The following CIDEB variants were observed in gnomAD, a reference collection of about 807,000 sequenced individuals.
The protein encoded by CIDEB is cell death inducing DFFA like effector b.
Under a neutral mutation model 22.4 loss-of-function variants are expected in CIDEB, and 27 were observed. The ratio of observed to expected loss-of-function variants is 1.21; its 90% CI spans 0.89 to 1.66. CIDEB has a LOEUF of 1.66. Ranked by LOEUF, CIDEB falls within the 40% of genes most tolerant of loss-of-function variation. CIDEB has a pLI of 0.00. For missense variants in CIDEB, 289 were observed against 268.7 expected, an observed-to-expected ratio of 1.08 and a Z score of -0.53; for synonymous variants, 103 against 109.5, an observed-to-expected ratio of 0.94 and a Z score of 0.37.
intron 2 of CIDEB, chr14:24,306,936 G>A: frequency 3.7e-6 from 1 of 270,158 alleles, no homozygotes; most frequent in Non-Finnish European, 7.2e-6. Flanking sequence ...TGCCAGGTAT[G>A]AGGACTTTAC....
chr14:24,305,589 G>T lies in CIDEB; in HGVS notation c.*44C>A. On this transcript the variant is annotated 3_prime_UTR_variant, in exon 5 of 5. Coordinates refer to ENST00000554411, the MANE Select transcript of CIDEB (RefSeq NM_001393339.1). Reference sequence around the variant, plus strand: ...ATTTGATGCTGTCATAGTCTTTGCAGTGGGTCGGTTGGAATGATTCTGGGG... The same window carrying T: ...ATTTGATGCTGTCATAGTCTTTGCATTGGGTCGGTTGGAATGATTCTGGGG... 1 of 1,587,094 alleles carries T rather than the reference G, an allele frequency of 6.3e-7. No individual in the cohort carries two copies. The highest frequency in any genetic ancestry group is 1.2e-5 in the South Asian group (1 of 86,566).
upstream of CIDEB, chr14:24,311,425 C>T (rs2041701541): frequency 3.1e-6 from 5 of 1,601,300 alleles, no homozygotes; most frequent in Non-Finnish European, 4.2e-6. Context: ...GCGCTGGCTC[C>T]ACCGGAAGGG....
upstream of CIDEB, chr14:24,310,784 C>T (rs776378564): frequency 1.9e-6 from 3 of 1,607,036 alleles, no homozygotes; most frequent in African/African-American, 1.3e-5. Flanking sequence ...GCAACGGCTT[C>T]GTGGTGTGGA....
At position 24,305,808 on chromosome 14, in the gene CIDEB, T is replaced by C. The variant is rs780568524; in HGVS notation, c.528-43A>G. 1.9e-5 allele frequency: 31 copies of C among 1,605,398 alleles called. 2 individuals carry two copies. In the South Asian group the frequency reaches 3.1e-4, roughly 16 times the overall value. On this transcript the variant is annotated intron_variant, in intron 4 of 4. Coordinates refer to ENST00000554411, the MANE Select transcript of CIDEB (RefSeq NM_001393339.1). ...GAGGAAATCAGATGATTTGGAAAAC[T>C]TGGGAGGAAGCCATCAAGCTGGGAG...
At chr14:24,305,812 G>A in intron 4 of CIDEB, 47 bp from the exon 5 acceptor site, 1 of 1,605,308 alleles carries the variant, frequency 6.2e-7, no homozygotes, top group Non-Finnish European at 8.5e-7. Flanking sequence ...GAAAACTTGG[G>A]AGGAAGCCAT....
upstream of CIDEB, chr14:24,310,532 G>C (rs1411297987): frequency 3.0e-6 from 3 of 995,710 alleles, no homozygotes; most frequent in Non-Finnish European, 4.7e-6. Flanking sequence ...AGGACTCCCA[G>C]GCAGAAAAGA....
chr14:24,308,473 G>GCTTACCTGCTCTTTCCTTCCTC (rs2041590612), upstream of CIDEB: 2 of 153,700 alleles, frequency 1.3e-5, no homozygotes, highest in Admixed American at 1.3e-4. Flanking sequence ...TGGCCTTCCT[G>GCTTACCTGCTCTTTCCTTCCTC]CTTACCTGCT....
chr14:24,305,838 G>C, intron 4 of CIDEB, 73 bp from the exon 5 acceptor site: 1 of 1,592,806 alleles, frequency 6.3e-7, no homozygotes, highest in Non-Finnish European at 8.6e-7. Context: ...TGGGAGATGA[G>C]GACTTTCCAC....
chr14:24,311,180 C>CCCGTCG, upstream of CIDEB: 1 of 1,607,328 alleles, frequency 6.2e-7, no homozygotes, highest in East Asian at 2.2e-5. Context: ...AGCTGTGCCA[C>CCCGTCG]CCGTCGCCGG....
At chr14:24,310,765 G>T, upstream of CIDEB, 1 of 1,608,250 alleles carries the variant, frequency 6.2e-7, no homozygotes. Context: ...GCGCTGCTGG[G>T]GCTGCCTGGC....
chr14:24,306,271 T>A (rs984910413), intron 3 of CIDEB, 103 bp downstream of exon 3: 30 of 1,547,994 alleles, frequency 1.9e-5, no homozygotes, highest in Non-Finnish European at 2.6e-5. Flanking sequence ...ATTCCACAAC[T>A]CCTCCTGCAC....
upstream of CIDEB, chr14:24,308,765 C>T (rs1202500132): frequency 6.6e-6 from 1 of 152,236 alleles, no homozygotes; most frequent in Non-Finnish European, 1.5e-5. Flanking sequence ...CAAATGAACA[C>T]AATCCCTGCT....
chr14:24,306,171 C>T (rs751046650), intron 3 of CIDEB, 34 bp from the exon 4 acceptor site: 2 of 1,596,942 alleles, frequency 1.3e-6, no homozygotes, highest in South Asian at 2.2e-5. Context: ...AGTAGATCCT[C>T]ATACCAGACA....
Position 24,305,240 on chromosome 14 carries a change from G to A in CIDEB, c.*393C>T. 2 of 901,038 alleles carry A rather than the reference G, an allele frequency of 2.2e-6. No individual in the cohort carries two copies. Among genetic ancestry groups the A allele is most frequent in the Non-Finnish European group, 3.1e-6 (2 of 643,848 alleles). 55.8% of individuals were successfully genotyped at this position (901,038 alleles called of 1,614,324 possible). A position where few individuals can be genotyped will look rare whatever the true frequency, so the allele number is the denominator to read the frequency against. ...GGAAATGTTTTTGTTAGTTTGAGGG[G>A]AAGGGTATGAAGACAGATCTCAAGG... On this transcript the variant is annotated 3_prime_UTR_variant, in exon 5 of 5. Transcript: ENST00000554411.
upstream of CIDEB, chr14:24,310,347 A>G: frequency 1.7e-6 from 1 of 605,128 alleles, no homozygotes; most frequent in Non-Finnish European, 2.9e-6. Flanking sequence ...GAGGGGCCAG[A>G]CTAGAGGAGT....
intron 2 of CIDEB, chr14:24,306,868 A>G: frequency 2.8e-6 from 1 of 355,240 alleles, no homozygotes; most frequent in East Asian, 5.8e-5. Context: ...CACACCCTCA[A>G]GAGTTCTCCA....
upstream of CIDEB, chr14:24,309,602 T>C (rs930325738): frequency 1.3e-5 from 2 of 152,302 alleles, no homozygotes; most frequent in Non-Finnish European, 2.9e-5. Context: ...GGCCTCTTCA[T>C]GGTTGTGTGT....
At chr14:24,308,100 G>A, upstream of CIDEB, 1 of 569,386 alleles carries the variant, frequency 1.8e-6, no homozygotes, top group Non-Finnish European at 3.2e-6. Context: ...AGCCATTGGA[G>A]CTTGTATGTG....
rs1472637755 is a variant in CIDEB at position 24,306,039 on chromosome 14, G to C, written c.435C>G (p.Asp145Glu). The change falls in exon 4 of 5, where the codon GAC (aspartate) becomes GAG (glutamate). Residue 145 changes from aspartate to glutamate, a missense_variant. By Grantham distance (45) the Asp-to-Glu change is conservative. Transcript: ENST00000554411. Reference sequence around the variant, plus strand: ...CTTTGACATTCAGGCTGCCAAAGAGGTCTCGAGGGTTTTGCTTGTACACGT... The same window carrying C: ...CTTTGACATTCAGGCTGCCAAAGAGCTCTCGAGGGTTTTGCTTGTACACGT... ...TFDVYKQNPR[D>E]LFGSLNVKAT... 5 of 1,614,078 alleles carry C rather than the reference G, an allele frequency of 3.1e-6. No individual in the cohort carries two copies. The highest frequency in any genetic ancestry group is 4.2e-6 in the Non-Finnish European group (5 of 1,180,036).
Sources: allele counts gnomAD v4.1 joint callset, GRCh38; gene constraint gnomAD v4.1.1; transcripts MANE v1.5; gene names NCBI Gene and HGNC (gene_info 2026-07-23, HGNC 2026-07-21).